The following ESR1 variants were observed in gnomAD, a reference collection of about 807,000 sequenced individuals.
The protein encoded by ESR1 is estrogen receptor 1.
ESR1 carries 12 observed loss-of-function variants against 52.7 expected under a neutral mutation model. The ratio of observed to expected loss-of-function variants is 0.23; its 90% CI spans 0.15 to 0.37. The LOEUF (loss-of-function observed/expected upper bound fraction) is 0.37. Ranked by LOEUF, ESR1 falls within the 10% of genes least tolerant of loss-of-function variation. The probability of loss-of-function intolerance (pLI) is 1.00; values close to 1 mark genes in which losing one functional copy is unlikely to be tolerated. For missense variants in ESR1, 584 were observed against 779.7 expected (o/e 0.75, Z 2.99); for synonymous variants, 305 against 316.8 (o/e 0.96, Z 0.39).
At chr6:151,706,753 A>G (rs952145441) in intron 2 of ESR1, among the ~76,000 whole-genome samples, 2 of 152,166 alleles carry the variant, frequency 1.3e-5, no homozygotes, top group Non-Finnish European at 2.9e-5. Flanking sequence ...TCCAGTGTTA[A>G]GACTTTAGAC....
intron 2 of ESR1, among the ~76,000 whole-genome samples, chr6:151,720,783 T>A (rs1781398814): frequency 6.6e-6 from 1 of 152,214 alleles, no homozygotes; most frequent in Non-Finnish European, 1.5e-5. Flanking sequence ...TTGTCTAACA[T>A]ACATTTGAGC....
intron 2 of ESR1, among the ~76,000 whole-genome samples, chr6:151,875,577 C>T (rs969124252): frequency 5.9e-5 from 9 of 152,118 alleles, no homozygotes; most frequent in Admixed American, 5.2e-4. Context: ...GCAGTTAAAA[C>T]CCAACATAGT....
At chr6:151,956,099 A>T (rs1043912209) in intron 4 of ESR1, among the ~76,000 whole-genome samples, 1 of 152,114 alleles carries the variant, frequency 6.6e-6, no homozygotes, top group African/African-American at 2.4e-5. Flanking sequence ...GTGTATATGT[A>T]CCACATTTTC....
At chr6:151,731,693 A>G (rs1782258144) in intron 2 of ESR1, among the ~76,000 whole-genome samples, 1 of 152,192 alleles carries the variant, frequency 6.6e-6, no homozygotes, top group African/African-American at 2.4e-5. Flanking sequence ...AATAATAGAC[A>G]TGTAATCACT....
intron 2 of ESR1, among the ~76,000 whole-genome samples, chr6:151,726,787 A>C: frequency 6.6e-6 from 1 of 152,218 alleles, no homozygotes; most frequent in East Asian, 1.9e-4. Context: ...TTTTCCAAAT[A>C]TACAACATGC....
chr6:152,028,929 C>CA (rs2044410390), intron 5 of ESR1, among the ~76,000 whole-genome samples: 1 of 152,208 alleles, frequency 6.6e-6, no homozygotes, highest in South Asian at 2.1e-4. Flanking sequence ...GCCGGGTACT[C>CA]CTCTGAGACA....
Position 152,027,468 on chromosome 6 carries a change from G to A in ESR1, c.1235+15674G>A, listed in dbSNP as rs556969789. ...TTTTTACTGTTTATTTTCAGGAAGA[G>A]CTCATGATAACTCTTTTTTCTTTGG... is the stretch of plus-strand genomic sequence containing the variant. On this transcript the variant is annotated intron_variant, in intron 5 of 7. Transcript: ENST00000206249. Among the ~76,000 whole-genome samples the A allele has an allele frequency of 1.6e-4, 24 of 152,168 alleles. 2 individuals carry two copies. The South Asian group carries it at 4.8e-3, about 30-fold the overall frequency.
chr6:152,059,381 G>A (rs980006671), intron 5 of ESR1, among the ~76,000 whole-genome samples: 7 of 151,628 alleles, frequency 4.6e-5, no homozygotes, highest in African/African-American at 1.5e-4. Flanking sequence ...TAAATGAAAC[G>A]TTCGATAAAT....
intron 5 of ESR1, among the ~76,000 whole-genome samples, chr6:152,034,049 C>G (rs2045021325): frequency 6.6e-6 from 1 of 151,002 alleles, no homozygotes. Context: ...GGACAAAAAA[C>G]CAAACACCAC....
intron 4 of ESR1, among the ~76,000 whole-genome samples, chr6:151,967,710 T>C (rs992079852): frequency 1.3e-5 from 2 of 152,204 alleles, no homozygotes; most frequent in Admixed American, 6.5e-5. Context: ...AGTAATGGGA[T>C]TGCTGGGTCA....
In ESR1 at chr6:152,053,628, T is replaced by C. The variant is rs547515491; in HGVS notation, c.1236-7363T>C. 6.4e-4 allele frequency among the ~76,000 whole-genome samples: 96 copies of C among 149,526 alleles called. 1 individual carries two copies. Among genetic ancestry groups the C allele is most frequent in the Non-Finnish European group, 1.1e-3 (72 of 67,780 alleles). ...TCTGTTAATCTCTCTTTCTCTCTCC[T>C]TCTTTCTGTCTCTGTCTCTGTCTGC... On this transcript the variant is annotated intron_variant, in intron 5 of 7. Coordinates refer to ENST00000206249, the MANE Select transcript of ESR1 (RefSeq NM_000125.4). The surrounding 1 kb of genome is among the most constrained non-coding windows in gnomAD (Gnocchi z 4.1).
At chr6:151,877,256 A>G (rs761276873) in intron 2 of ESR1, among the ~76,000 whole-genome samples, 2 of 152,156 alleles carry the variant, frequency 1.3e-5, no homozygotes, top group Non-Finnish European at 2.9e-5. Context: ...TGCTATCTTA[A>G]TGCAACTTAA....
chr6:152,066,108 G>A (rs1287055962), intron 6 of ESR1, among the ~76,000 whole-genome samples: 1 of 152,184 alleles, frequency 6.6e-6, no homozygotes, highest in Non-Finnish European at 1.5e-5. Context: ...CTTTGTTAAT[G>A]TGGCACATCT....
At chr6:151,918,071 G>A (rs1291986747) in intron 3 of ESR1, among the ~76,000 whole-genome samples, 1 of 152,212 alleles carries the variant, frequency 6.6e-6, no homozygotes, top group East Asian at 1.9e-4. Context: ...GCAGGGCAGA[G>A]GCTTGGGCTG....
chr6:151,858,381 A>G (rs1788263158), intron 2 of ESR1, among the ~76,000 whole-genome samples: 1 of 152,162 alleles, frequency 6.6e-6, no homozygotes, highest in African/African-American at 2.4e-5. Context: ...TCCAGAGAGG[A>G]AGAGCTAGCC....
At chr6:151,903,000 G>T (rs886898035) in intron 3 of ESR1, among the ~76,000 whole-genome samples, 1 of 152,114 alleles carries the variant, frequency 6.6e-6, no homozygotes, top group Non-Finnish European at 1.5e-5. Context: ...GGCATTCAAA[G>T]TCCTCCACCT....
intron 3 of ESR1, among the ~76,000 whole-genome samples, chr6:151,909,245 CA>C (rs1797892735): frequency 6.6e-6 from 1 of 152,198 alleles, no homozygotes; most frequent in Non-Finnish European, 1.5e-5. Context: ...TTCTTTGGCA[CA>C]GCTTCCATGG....
intron 6 of ESR1, among the ~76,000 whole-genome samples, chr6:152,063,215 T>C (rs886536016): frequency 6.6e-6 from 1 of 152,204 alleles, no homozygotes; most frequent in Non-Finnish European, 1.5e-5. Flanking sequence ...TTTCTTAGGA[T>C]CTTCTTGGCA....
intron 2 of ESR1, among the ~76,000 whole-genome samples, chr6:151,858,825 G>GA (rs1365038112): frequency 6.6e-6 from 1 of 152,174 alleles, no homozygotes; most frequent in Non-Finnish European, 1.5e-5. Flanking sequence ...TATTTGAAAT[G>GA]AAAAGAGTAG....
Sources: gnomAD v4.1 joint callset for allele counts (sites outside exome capture counted in the v4.1 genomes callset) on GRCh38, gnomAD v4.1.1 for gene constraint, Gnocchi (gnomAD v3.1) non-coding constraint, MANE v1.5 for transcripts, NCBI Gene and HGNC (gene_info 2026-07-23, HGNC 2026-07-21) for gene names.